Variants in NDE1 observed in about 807,000 individuals in gnomAD.
NDE1 encodes nudE neurodevelopment protein 1, also known as nuclear distribution protein nudE homolog 1.
Under a neutral mutation model 43.4 loss-of-function variants are expected in NDE1, and 28 were observed. The ratio of observed to expected loss-of-function variants is 0.65; its 90% CI spans 0.48 to 0.89. The LOEUF (loss-of-function observed/expected upper bound fraction) is 0.89. NDE1 is among the 40% of genes least tolerant of loss of function. The pLI, the probability that NDE1 is intolerant of heterozygous loss-of-function variation, is 0.00. For synonymous variants in NDE1, 184 were observed against 172.0 expected (o/e 1.07, Z -0.55); for missense variants, 441 against 434.1 (o/e 1.02, Z -0.14).
Position 15,724,263 on chromosome 16 carries a change from G to T in NDE1, c.*12G>T, listed in dbSNP as rs779922185. ...CCAGCTCCTGCTGAAGCCTGTTCTT[G>T]GTCTTTTCCAGTTTATCATAAGCGG... On this transcript the variant is annotated 3_prime_UTR_variant, in exon 9 of 9. Coordinates refer to ENST00000396354, the MANE Select transcript of NDE1 (RefSeq NM_017668.3). The T allele has an allele frequency of 1.2e-6, 2 of 1,614,168 alleles. No individual in the cohort carries two copies. Among genetic ancestry groups the T allele is most frequent in the Non-Finnish European group, 8.5e-7 (1 of 1,180,034 alleles).
chr16:15,673,214 C>T (rs541851374), intron 3 of NDE1, among the ~76,000 whole-genome samples: 3 of 151,776 alleles, frequency 2.0e-5, no homozygotes, highest in Non-Finnish European at 2.9e-5. Context: ...TTTGTGTTTT[C>T]GGTTTTGATT....
intron 8 of NDE1, 182 bp from the exon 9 acceptor site, chr16:15,724,009 T>C: frequency 1.5e-6 from 2 of 1,337,348 alleles, no homozygotes; most frequent in Non-Finnish European, 2.1e-6. Flanking sequence ...TGCTCCATGG[T>C]CGCCCAAGAC....
chr16:15,674,438 G>A (rs1020223562), intron 3 of NDE1, among the ~76,000 whole-genome samples: 6 of 151,976 alleles, frequency 3.9e-5, no homozygotes, highest in Non-Finnish European at 5.9e-5. Context: ...TGGTAGAGAC[G>A]GGGTTTCACC....
chr16:15,718,762 G>C, intron 8 of NDE1: 1 of 461,558 alleles, frequency 2.2e-6, no homozygotes, highest in Non-Finnish European at 4.0e-6. Context: ...GCATGAAAGC[G>C]CTGACGGAAA....
At chr16:15,651,096 G>A (rs2036478873) in intron 1 of NDE1, among the ~76,000 whole-genome samples, 1 of 152,158 alleles carries the variant, frequency 6.6e-6, no homozygotes, top group Admixed American at 6.5e-5. Context: ...CACCGCTTTT[G>A]GGGAGGCGAC....
chr16:15,645,552 A>G (rs973635888), upstream of NDE1, among the ~76,000 whole-genome samples: 2 of 152,248 alleles, frequency 1.3e-5, no homozygotes, highest in Non-Finnish European at 2.9e-5. Context: ...AAAGAAATGT[A>G]ATTTTATTGC....
chr16:15,648,305 C>T (rs2036372129), upstream of NDE1, among the ~76,000 whole-genome samples: 1 of 152,024 alleles, frequency 6.6e-6, no homozygotes, highest in African/African-American at 2.4e-5. Flanking sequence ...AATACTAGAT[C>T]TTATTCATTC....
Position 15,663,804 on chromosome 16 carries a change from C to T in NDE1, c.-43-932C>T, listed in dbSNP as rs192395669. Among the ~76,000 whole-genome samples the T allele has an allele frequency of 1.9e-3, 291 of 150,944 alleles. 1 individual carries two copies. The highest frequency in any genetic ancestry group is 3.1e-3 in the Non-Finnish European group (209 of 67,868). On this transcript the variant is annotated intron_variant, in intron 1 of 8. Transcript: ENST00000396354. Reference sequence around the variant, plus strand: ...ACATGGGGTTGGGTGCGGTGGTTCACGCCTGTAATACCAGCACTTTGGGAG... The same window carrying T: ...ACATGGGGTTGGGTGCGGTGGTTCATGCCTGTAATACCAGCACTTTGGGAG...
intron 6 of NDE1, among the ~76,000 whole-genome samples, chr16:15,691,602 C>T (rs1380896457): frequency 1.3e-5 from 2 of 151,284 alleles, no homozygotes; most frequent in Non-Finnish European, 1.5e-5. Flanking sequence ...TCATCTGCAG[C>T]TTTTTCCATT....
chr16:15,667,627 G>GGT (rs2037375266), intron 3 of NDE1, among the ~76,000 whole-genome samples, 188 bp downstream of exon 3: 6 of 113,124 alleles, frequency 5.3e-5, no homozygotes, highest in Middle Eastern at 4.9e-3. Flanking sequence ...GGTGCTTTTT[G>GGT]TTTTGTTTTT....
chr16:15,702,380 T>A (rs1596657520), intron 8 of NDE1, among the ~76,000 whole-genome samples: 1 of 152,248 alleles, frequency 6.6e-6, no homozygotes, highest in Admixed American at 6.5e-5. Context: ...TAAAATACTA[T>A]CTGGCTGGGT....
chr16:15,707,059 A>G, intron 8 of NDE1, among the ~76,000 whole-genome samples: 1 of 152,036 alleles, frequency 6.6e-6, no homozygotes, highest in Non-Finnish European at 1.5e-5. Flanking sequence ...TTTTTTTTGA[A>G]ATAGAGTCTC....
chr16:15,666,582 C>G (rs552730372), intron 2 of NDE1, among the ~76,000 whole-genome samples: 4 of 152,222 alleles, frequency 2.6e-5, no homozygotes, highest in South Asian at 2.1e-4. Flanking sequence ...GCATTCCAGT[C>G]TGGGTGACAG....
chr16:15,698,997 G>A (rs2039128837), intron 8 of NDE1, among the ~76,000 whole-genome samples: 1 of 150,672 alleles, frequency 6.6e-6, no homozygotes, highest in Non-Finnish European at 1.5e-5. Context: ...CCATCTTCCT[G>A]CCTCAGCCTC....
chr16:15,698,472 C>T (rs936805518), intron 8 of NDE1, among the ~76,000 whole-genome samples: 4 of 152,058 alleles, frequency 2.6e-5, no homozygotes, highest in African/African-American at 7.2e-5. Context: ...GGCCCCAAGC[C>T]GTAGGAATTT....
At chr16:15,721,195 CT>C (rs775432353) in intron 8 of NDE1, 10 of 1,013,702 alleles carry the variant, frequency 9.9e-6, no homozygotes, top group Non-Finnish European at 1.5e-5. Flanking sequence ...AAGATGACCC[CT>C]GAGAGTTCAG....
At chr16:15,702,567 C>CA (rs11411493) in intron 8 of NDE1, among the ~76,000 whole-genome samples, 5,991 of 117,946 alleles carry the variant, frequency 0.051, 167 homozygotes, top group South Asian at 0.15. Flanking sequence ...CTAACAACAA[C>CA]AACAAAAAAA....
Position 15,691,320 on chromosome 16 carries a change from C to G in NDE1, c.700C>G (p.Arg234Gly), listed in dbSNP as rs201783071. ...TTTAAACACACCTGGGAGCTTCAGA[C>G]GTGGTAAGGGGAGTGGGAATTGCAG... ...SSLNTPGSFR[R>G]GLDDSTGGTP... is the part of the protein sequence containing the mutation. The change falls in exon 6 of 9, where the codon CGT becomes GGT. Residue 234 changes from arginine (R) to glycine (G), a missense_variant. Coordinates refer to ENST00000396354, the MANE Select transcript of NDE1 (RefSeq NM_017668.3). 12 of 1,613,870 alleles carry G rather than the reference C, an allele frequency of 7.4e-6. No individual in the cohort carries two copies. Among genetic ancestry groups the G allele is most frequent in the Non-Finnish European group, 1.7e-6 (2 of 1,179,992 alleles).
rs1287759201 is a variant in NDE1 at position 15,677,917 on chromosome 16, G to A, written c.354G>A (p.Glu118=). 1.2e-6 allele frequency: 2 copies of A among 1,614,108 alleles called. No individual in the cohort carries two copies. Among genetic ancestry groups the A allele is most frequent in the African/African-American group, 2.7e-5 (2 of 75,028 alleles). ...TGCAGAAATACATCAGAGAGCTGGA[G>A]CAAGCAAATGACGACCTGGAAAGAG... is the stretch of plus-strand genomic sequence containing the variant. The part of the protein sequence containing the change: ...DQLQKYIREL[E]QANDDLERAK... Residue 118 remains glutamate, a synonymous_variant, in exon 4 of 9, where the codon GAG becomes GAA. Coordinates refer to ENST00000396354, the MANE Select transcript of NDE1 (RefSeq NM_017668.3).
Sources: gnomAD v4.1 joint callset for allele counts (sites outside exome capture counted in the v4.1 genomes callset) on GRCh38, gnomAD v4.1.1 for gene constraint, MANE v1.5 for transcripts, NCBI Gene and HGNC (gene_info 2026-07-23, HGNC 2026-07-21) for gene names.